G3BP1: variants seen among roughly 807,000 people sequenced by gnomAD.
G3BP1 encodes the protein G3BP stress granule assembly factor 1.
In G3BP1, 35 loss-of-function variants were observed where a neutral mutation model predicts 58.6. That is an observed-to-expected ratio of 0.60 (90% CI 0.46 to 0.79). The LOEUF (loss-of-function observed/expected upper bound fraction) is 0.79. Among genes scored for constraint, G3BP1 ranks in the 30% least tolerant of loss-of-function variants. The pLI is 0.00. For synonymous variants in G3BP1, 191 were observed against 195.4 expected (o/e 0.98, Z 0.19); for missense variants, 523 against 580.8 (o/e 0.90, Z 1.02).
At chr5:151,781,657 G>T (rs1348094008) in intron 1 of G3BP1, among the ~76,000 whole-genome samples, 1 of 152,216 alleles carries the variant, frequency 6.6e-6, no homozygotes. Context: ...GAGGTGTGCA[G>T]CTGTGGTTAC....
chr5:151,798,994 C>T (rs1471711707), intron 7 of G3BP1, among the ~76,000 whole-genome samples: 1 of 152,008 alleles, frequency 6.6e-6, no homozygotes, highest in East Asian at 1.9e-4. Context: ...TGAACCTAAG[C>T]CTCTCGGATT....
chr5:151,781,482 C>T (rs1038431516), intron 1 of G3BP1, among the ~76,000 whole-genome samples: 1 of 152,178 alleles, frequency 6.6e-6, no homozygotes, highest in Non-Finnish European at 1.5e-5. Context: ...AGTGATTTCT[C>T]TTCAATGAGT....
intron 7 of G3BP1, 142 bp downstream of exon 7, chr5:151,797,570 G>C (rs1428693018): frequency 1.1e-6 from 1 of 895,708 alleles, no homozygotes; most frequent in Non-Finnish European, 1.7e-6. Flanking sequence ...CTTAGATATT[G>C]AGCCATATGT....
In G3BP1 at chr5:151,786,543, G is replaced by A. The variant is rs998858097; in HGVS notation, c.-49-29G>A. On this transcript the variant is annotated intron_variant, in intron 1 of 11. Transcript: ENST00000356245. Reference sequence around the variant, plus strand: ...TGAGTTGGTTTCAGCTAAATGATTCGGTCTTTTCCCCTGTGTTTGATCCTT... The same window carrying A: ...TGAGTTGGTTTCAGCTAAATGATTCAGTCTTTTCCCCTGTGTTTGATCCTT... The A allele has an allele frequency of 3.2e-4, 278 of 877,814 alleles. 2 individuals are homozygous for A. The Admixed American group carries it at 5.0e-3, about 16-fold the overall frequency. The allele number at this position is 877,814 out of a possible 1,614,324, so 54.4% of individuals were successfully genotyped here.
intron 1 of G3BP1, among the ~76,000 whole-genome samples, chr5:151,785,798 T>G (rs760395454): frequency 3.3e-5 from 5 of 152,216 alleles, no homozygotes; most frequent in Non-Finnish European, 7.3e-5. Flanking sequence ...TAAGCATATT[T>G]AGAATTTTTA....
intron 11 of G3BP1, among the ~76,000 whole-genome samples, chr5:151,802,026 A>G (rs1762862108): frequency 6.6e-6 from 1 of 152,106 alleles, no homozygotes; most frequent in African/African-American, 2.4e-5. Context: ...CATGTTAACC[A>G]GGCTGATCTC....
intron 7 of G3BP1, among the ~76,000 whole-genome samples, chr5:151,798,178 C>T (rs1561536728): frequency 2.0e-5 from 3 of 152,182 alleles, no homozygotes; most frequent in African/African-American, 7.2e-5. Flanking sequence ...GTTGAAATGA[C>T]TTTAGCTTGC....
intron 1 of G3BP1, 131 bp from the exon 2 acceptor site, chr5:151,786,441 A>C: frequency 3.5e-6 from 2 of 567,916 alleles, no homozygotes; most frequent in Non-Finnish European, 6.4e-6. Context: ...TAAAATCTCA[A>C]CTGGTCTGTA....
chr5:151,797,785 C>T (rs930022046), intron 7 of G3BP1, among the ~76,000 whole-genome samples: 3 of 152,096 alleles, frequency 2.0e-5, no homozygotes, highest in Admixed American at 6.5e-5. Context: ...AACATCTTTT[C>T]AAGAAAAATA....
In G3BP1 at chr5:151,804,163, G is replaced by A. The variant is rs1762905580; in HGVS notation, c.*72G>A. On this transcript the variant is annotated 3_prime_UTR_variant, in exon 12 of 12. Coordinates refer to ENST00000356245, the MANE Select transcript of G3BP1 (RefSeq NM_005754.3). ...AATGGTGAATTTTCGACAGCCTTTG[G>A]TATCTTGGAGTATGACCCCAGTCTG... The A allele has an allele frequency of 9.4e-7, 1 of 1,059,358 alleles. No individual in the cohort carries two copies. The highest frequency in any genetic ancestry group is 1.5e-5 in the South Asian group (1 of 66,210). The allele number at this position is 1,059,358 out of a possible 1,614,324, so 65.6% of individuals were successfully genotyped here.
chr5:151,800,746 T>A lies in G3BP1; in HGVS notation c.1085-14T>A. The A allele has an allele frequency of 6.9e-7, 1 of 1,446,066 alleles. No individual in the cohort carries two copies. The highest frequency in any genetic ancestry group is 9.7e-7 in the Non-Finnish European group (1 of 1,026,684). 89.6% of individuals were successfully genotyped at this position (1,446,066 alleles called of 1,614,324 possible). A position where few individuals can be genotyped will look rare whatever the true frequency, so the allele number is the denominator to read the frequency against. ...TGGTCTAAGTAGTTATCTGAGAATG[T>A]GTTTCACTTGCAGGTTATGGAAACG... On this transcript the variant is annotated splice_polypyrimidine_tract_variant and intron_variant, in intron 10 of 11. Coordinates refer to ENST00000356245, the MANE Select transcript of G3BP1 (RefSeq NM_005754.3).
At chr5:151,780,960 T>C (rs1416940391) in intron 1 of G3BP1, among the ~76,000 whole-genome samples, 3 of 152,162 alleles carry the variant, frequency 2.0e-5, no homozygotes, top group Middle Eastern at 3.2e-3. Flanking sequence ...AGTTGAACCA[T>C]GAACAAACGT....
chr5:151,797,085 A>G (rs747569356), intron 6 of G3BP1, 142 bp from the exon 7 acceptor site: 3 of 732,932 alleles, frequency 4.1e-6, no homozygotes, highest in Non-Finnish European at 6.7e-6. Context: ...TTAAAAACTC[A>G]GATAGATATA....
intron 1 of G3BP1, among the ~76,000 whole-genome samples, chr5:151,780,714 C>T (rs1762455276): frequency 6.6e-6 from 1 of 152,166 alleles, no homozygotes; most frequent in Admixed American, 6.5e-5. Context: ...GGGGTTTTAC[C>T]GCATTAGCCA....
At chr5:151,782,849 CTTTTTTT>C (rs796501774) in intron 1 of G3BP1, among the ~76,000 whole-genome samples, 15 of 73,920 alleles carry the variant, frequency 2.0e-4, no homozygotes, top group African/African-American at 7.1e-4. Flanking sequence ...TGTGACTCAT[CTTTTTTT>C]TTTTTTTTTT....
chr5:151,790,230 C>CAAAAA, intron 2 of G3BP1, 93 bp from the exon 3 acceptor site: 1 of 423,310 alleles, frequency 2.4e-6, no homozygotes, highest in Non-Finnish European at 4.1e-6. Flanking sequence ...GACCCCGTTG[C>CAAAAA]AAAAAAAAAA....
At chr5:151,781,973 T>C (rs1762478963) in intron 1 of G3BP1, among the ~76,000 whole-genome samples, 1 of 151,980 alleles carries the variant, frequency 6.6e-6, no homozygotes, top group Admixed American at 6.6e-5. Flanking sequence ...GTAGATACAG[T>C]TTTATGTTAA....
rs1763033053 is a variant in G3BP1 at position 151,812,669 on chromosome 5, A to G, written c.*8578A>G. 1.3e-5 allele frequency: 2 copies of G among 152,372 alleles called. No individual in the cohort carries two copies. The highest frequency in any genetic ancestry group is 1.3e-4 in the Admixed American group (2 of 15,308). 9.4% of individuals were successfully genotyped at this position (152,372 alleles called of 1,614,324 possible). On this transcript the variant is annotated 3_prime_UTR_variant, in exon 12 of 12. Coordinates refer to ENST00000356245, the MANE Select transcript of G3BP1 (RefSeq NM_005754.3). ...ATCTTAAGTTAGTCAATGAATCCTG[A>G]GTCAAAATGAAAGGTTGCTAAATCT...
intron 5 of G3BP1, 26 bp downstream of exon 5, chr5:151,794,275 C>T (rs764944327): frequency 7.1e-7 from 1 of 1,401,624 alleles, no homozygotes; most frequent in South Asian, 1.2e-5. Context: ...CTTTAAATTA[C>T]TTGTCTAAAT....
Sources: allele counts gnomAD v4.1 joint callset (sites outside exome capture counted in the v4.1 genomes callset), GRCh38; gene constraint gnomAD v4.1.1; transcripts MANE v1.5; gene names NCBI Gene and HGNC (gene_info 2026-07-23, HGNC 2026-07-21).